Variants in NUP155 observed in about 807,000 individuals in gnomAD.
The protein encoded by NUP155 is nucleoporin 155.
A neutral mutation model predicts 180.4 loss-of-function variants in NUP155; 71 were observed. The ratio of observed to expected loss-of-function variants is 0.39; its 90% CI spans 0.33 to 0.48. The LOEUF is 0.48. NUP155 is among the 20% of genes least tolerant of loss of function. The pLI, the probability that NUP155 is intolerant of heterozygous loss-of-function variation, is 0.91. For synonymous variants in NUP155, 582 were observed against 559.5 expected, an observed-to-expected ratio of 1.04 and a Z score of -0.57; for missense variants, 1,553 against 1,648.9, an observed-to-expected ratio of 0.94 and a Z score of 1.01.
intron 9 of NUP155, 62 bp downstream of exon 9, chr5:37,348,443 C>T (rs1320766218): frequency 9.8e-6 from 10 of 1,024,314 alleles, no homozygotes; most frequent in Non-Finnish European, 1.4e-5. Flanking sequence ...TTTTAGAAGG[C>T]TACACACAAA....
At chr5:37,362,419 G>A (rs746065593) in intron 3 of NUP155, among the ~76,000 whole-genome samples, 1 of 151,872 alleles carries the variant, frequency 6.6e-6, no homozygotes, top group African/African-American at 2.4e-5. Flanking sequence ...CTCCCGAGTA[G>A]CTGCGATTAC....
intron 13 of NUP155, among the ~76,000 whole-genome samples, chr5:37,333,080 T>G (rs1166185877): frequency 1.3e-5 from 2 of 152,096 alleles, no homozygotes; most frequent in African/African-American, 4.8e-5. Context: ...GAAGGCTGGG[T>G]GCAATGGCTC....
At chr5:37,358,032 G>T (rs777303239) in intron 4 of NUP155, 49 bp downstream of exon 4, 1 of 1,253,534 alleles carries the variant, frequency 8.0e-7, no homozygotes, top group Non-Finnish European at 1.2e-6. Flanking sequence ...ATACCATTTG[G>T]AGTTTACATA....
Position 37,363,239 on chromosome 5 carries a change from G to A in NUP155, c.392+649C>T, listed in dbSNP as rs940090946. Among the ~76,000 whole-genome samples, 13 of 152,144 alleles carry A rather than the reference G, an allele frequency of 8.5e-5. 1 individual carries two copies. The highest frequency in any genetic ancestry group is 6.6e-4 in the Admixed American group (10 of 15,236). On this transcript the variant is annotated intron_variant, in intron 3 of 34. Coordinates refer to ENST00000231498, the MANE Select transcript of NUP155 (RefSeq NM_153485.3). ...GATACAGTGTCTTTTTAATGCACGT[G>A]TGTTCCTAAAAAGATCATTAATTAC...
chr5:37,328,756 C>T (rs577703440), intron 16 of NUP155, among the ~76,000 whole-genome samples: 13 of 152,302 alleles, frequency 8.5e-5, no homozygotes, highest in African/African-American at 2.9e-4. Context: ...CTGCCCGCCT[C>T]GGCCTCCCAA....
chr5:37,350,437 G>C (rs1010880011), intron 6 of NUP155, among the ~76,000 whole-genome samples, 172 bp from the exon 7 acceptor site: 1 of 152,036 alleles, frequency 6.6e-6, no homozygotes, highest in Admixed American at 6.6e-5. Context: ...TAACTACTGA[G>C]TTTAGCCCAT....
intron 21 of NUP155, among the ~76,000 whole-genome samples, chr5:37,316,666 T>C (rs969555164): frequency 2.0e-5 from 3 of 151,798 alleles, no homozygotes; most frequent in African/African-American, 7.3e-5. Flanking sequence ...GGTTTCAACA[T>C]GTTGGCCAGG....
chr5:37,314,341 CAAAAT>C lies in NUP155; in HGVS notation c.2306-18_2306-14del. On this transcript the variant is annotated splice_polypyrimidine_tract_variant and intron_variant, in intron 21 of 34. Transcript: ENST00000231498. ...CTTAGTTGAGCCTCTAATGAGAAAA[CAAAAT>C]AAATTATTATAAAATAACATAGGTT... The C allele has an allele frequency of 6.4e-7, 1 of 1,574,420 alleles. No homozygotes were observed. The highest frequency in any genetic ancestry group is 8.7e-7 in the Non-Finnish European group (1 of 1,147,252).
At chr5:37,323,240 G>C (rs1581160321) in intron 20 of NUP155, among the ~76,000 whole-genome samples, 2 of 152,316 alleles carry the variant, frequency 1.3e-5, no homozygotes, top group South Asian at 4.1e-4. Context: ...AGCCAAGTTG[G>C]AGCCTTCGTA....
intron 8 of NUP155, 145 bp from the exon 9 acceptor site, chr5:37,348,741 C>A: frequency 1.5e-6 from 1 of 658,656 alleles, no homozygotes; most frequent in South Asian, 1.8e-5. Context: ...GAAAGGGGAC[C>A]CTTCTGAGAA....
At chr5:37,334,204 T>C (rs216375) in intron 12 of NUP155, among the ~76,000 whole-genome samples, 4,316 of 151,536 alleles carry the variant, frequency 0.028, 219 homozygotes, top group African/African-American at 0.098. Flanking sequence ...CTGGGTTCAG[T>C]TGATTCTCCC....
intron 9 of NUP155, 55 bp downstream of exon 9, chr5:37,348,450 C>CAA (rs1443267394): frequency 2.7e-6 from 3 of 1,100,722 alleles, no homozygotes; most frequent in Non-Finnish European, 2.8e-6. Context: ...AGGCTACACA[C>CAA]AAATAGTATA....
chr5:37,307,074 T>A (rs747780014), intron 25 of NUP155, among the ~76,000 whole-genome samples: 2 of 151,708 alleles, frequency 1.3e-5, no homozygotes, highest in African/African-American at 2.4e-5. Context: ...GGTGTGCACC[T>A]GTAATCCCAG....
rs1195159113 is a variant in NUP155, at chr5:37,351,218, T to A, written c.695A>T (p.Asp232Val). The A allele has an allele frequency of 6.2e-7, 1 of 1,613,704 alleles. No homozygotes were observed. The highest frequency in any genetic ancestry group is 8.5e-7 in the Non-Finnish European group (1 of 1,179,872). ...GTAGGCTACTTCATATAAACAGCCATCCTTTCCAGCCAAGAAAATTCTGCC... is the reference window on the plus strand; with the variant it reads ...GTAGGCTACTTCATATAAACAGCCAACCTTTCCAGCCAAGAAAATTCTGCC... ...DNGRIFLAGK[D>V]GCLYEVAYQA... The change falls in exon 6 of 35, where the codon GAT (aspartate) becomes GTT (valine). Residue 232 changes from aspartate to valine, a missense_variant. Physicochemically the swap from Asp to Val is radical, Grantham distance 152 (BLOSUM62 -3). Transcript: ENST00000231498.
intron 22 of NUP155, among the ~76,000 whole-genome samples, chr5:37,312,019 TC>T (rs1182108355): frequency 6.6e-6 from 1 of 151,894 alleles, no homozygotes; most frequent in African/African-American, 2.4e-5. Flanking sequence ...AGACACTGTC[TC>T]AAAAAAAATA....
At position 37,338,851 on chromosome 5, in the gene NUP155, A is replaced by T. The variant is rs544005522; in HGVS notation, c.1247-933T>A. 6.6e-5 allele frequency among the ~76,000 whole-genome samples: 10 copies of T among 152,052 alleles called. No homozygotes were observed. In the South Asian group the frequency reaches 2.1e-3, roughly 32 times the overall value. On this transcript the variant is annotated intron_variant, in intron 11 of 34. Transcript: ENST00000231498. ...AAACATTTTTTTTTCACATTTTAGC[A>T]TTTCTGAACTTAGGGCATATCTTGC... is the stretch of plus-strand genomic sequence containing the variant.
At chr5:37,316,671 G>T (rs1022479322) in intron 21 of NUP155, among the ~76,000 whole-genome samples, 1 of 151,606 alleles carries the variant, frequency 6.6e-6, no homozygotes, top group Non-Finnish European at 1.5e-5. Flanking sequence ...CAACATGTTG[G>T]CCAGGCTGGT....
chr5:37,345,754 A>C (rs1400976146), intron 9 of NUP155, among the ~76,000 whole-genome samples: 3 of 151,808 alleles, frequency 2.0e-5, no homozygotes, highest in Admixed American at 2.0e-4. Flanking sequence ...AATACAAAAA[A>C]TTAGCCAGGC....
At chr5:37,321,658 A>G (rs994372339) in intron 20 of NUP155, among the ~76,000 whole-genome samples, 1 of 152,010 alleles carries the variant, frequency 6.6e-6, no homozygotes. Flanking sequence ...CAGAGGTTGC[A>G]GTGAGCTGAG....
Sources: allele counts gnomAD v4.1 joint callset (sites outside exome capture counted in the v4.1 genomes callset), GRCh38; gene constraint gnomAD v4.1.1; transcripts MANE v1.5; gene names NCBI Gene and HGNC (gene_info 2026-07-23, HGNC 2026-07-21).